The following CD302 variants were observed in gnomAD, a reference collection of about 807,000 sequenced individuals.
The protein encoded by CD302 is CD302 antigen.
In CD302, 23 loss-of-function variants were observed where a neutral mutation model predicts 26.5. The ratio of observed to expected loss-of-function variants is 0.87; its 90% confidence interval spans 0.62 to 1.23. CD302 has a LOEUF of 1.23. Among genes scored for constraint, CD302 ranks in the 50% most tolerant of loss-of-function variants. The pLI, the probability that CD302 is intolerant of heterozygous loss-of-function variation, is 0.00. For synonymous variants in CD302, 90 were observed against 99.4 expected (o/e 0.91, Z 0.56); for missense variants, 290 against 275.5 (o/e 1.05, Z -0.37).
chr2:159,792,427 TG>T, intron 1 of CD302, among the ~76,000 whole-genome samples: 1 of 21,162 alleles, frequency 4.7e-5, no homozygotes, highest in African/African-American at 7.3e-4. Context: ...CAACTCTGTG[TG>T]TGTGTGTGTG....
chr2:159,784,361 T>C (rs1708605865), intron 1 of CD302, among the ~76,000 whole-genome samples: 1 of 139,848 alleles, frequency 7.2e-6, no homozygotes, highest in Admixed American at 7.2e-5. Flanking sequence ...TTTTTTTTTT[T>C]TTTTTTTTTT....
chr2:159,776,151 C>T (rs1334505719), intron 5 of CD302, among the ~76,000 whole-genome samples: 1 of 151,802 alleles, frequency 6.6e-6, no homozygotes, highest in Non-Finnish European at 1.5e-5. Context: ...CTGCGCCCGG[C>T]CTGTGCCTGG....
intron 1 of CD302, among the ~76,000 whole-genome samples, chr2:159,797,256 C>G (rs1373184371): frequency 2.7e-5 from 4 of 150,910 alleles, no homozygotes; most frequent in Non-Finnish European, 4.4e-5. Context: ...TTATTTAAAT[C>G]TCTTGCACTT....
chr2:159,792,387 TAGTC>T (rs373720764), intron 1 of CD302, among the ~76,000 whole-genome samples: 217 of 151,712 alleles, frequency 1.4e-3, no homozygotes, highest in Middle Eastern at 6.8e-3. Context: ...GTTATTGTAT[TAGTC>T]AGGGTTCTCC....
At chr2:159,785,923 G>T (rs1211515740) in intron 1 of CD302, among the ~76,000 whole-genome samples, 1 of 152,152 alleles carries the variant, frequency 6.6e-6, no homozygotes, top group African/African-American at 2.4e-5. Context: ...TCTTGGTGGT[G>T]AGACCTTGGA....
At chr2:159,780,622 ATGAT>A (rs1250553421) in intron 3 of CD302, among the ~76,000 whole-genome samples, 1 of 152,150 alleles carries the variant, frequency 6.6e-6, no homozygotes, top group Non-Finnish European at 1.5e-5. Flanking sequence ...ACTTACCTTT[ATGAT>A]CATGCTATAT....
rs144299382 is a variant in CD302 at position 159,771,956 on chromosome 2, A to G, written c.594T>C (p.Asp198=). 11 of 1,613,954 alleles carry G rather than the reference A, an allele frequency of 6.8e-6. No homozygotes were observed. In the African/African-American group the frequency reaches 1.5e-4, roughly 22 times the overall value. Residue 198 remains aspartate, a synonymous_variant, in exon 6 of 6, where the codon GAT becomes GAC. Coordinates refer to ENST00000259053, the MANE Select transcript of CD302 (RefSeq NM_014880.5). ...IIWFLYKKHS[D]SRFTTVFSTA... ...TTGAAAAAACTGTGGTGAAACGAGA[A>G]TCAGAATGTTTTTTGTACAGGAACC...
rs554953765 is a variant in CD302 at position 159,777,972 on chromosome 2, A to C, written c.470-8T>G. On this transcript the variant is annotated splice_polypyrimidine_tract_variant and splice_region_variant and intron_variant, in intron 4 of 5. Coordinates refer to ENST00000259053, the MANE Select transcript of CD302 (RefSeq NM_014880.5). Reference sequence around the variant, plus strand: ...ATTTCCTTTTGTATGGGACTAAAATACAAAAGAAAATAAAAATTAGAATTT... The same window carrying C: ...ATTTCCTTTTGTATGGGACTAAAATCCAAAAGAAAATAAAAATTAGAATTT... 2 of 939,904 alleles carry C rather than the reference A, an allele frequency of 2.1e-6. No homozygotes were observed. The highest frequency in any genetic ancestry group is 3.2e-5 in the South Asian group (2 of 62,198). 58.2% of individuals were successfully genotyped at this position (939,904 alleles called of 1,614,324 possible).
chr2:159,794,609 C>T (rs1190061642), intron 1 of CD302, among the ~76,000 whole-genome samples: 3 of 151,566 alleles, frequency 2.0e-5, no homozygotes, highest in East Asian at 2.0e-4. Flanking sequence ...AGTGCAGTGG[C>T]GCGATCTCAG....
At chr2:159,795,351 T>C (rs1248210420) in intron 1 of CD302, among the ~76,000 whole-genome samples, 1 of 152,188 alleles carries the variant, frequency 6.6e-6, no homozygotes, top group Non-Finnish European at 1.5e-5. Flanking sequence ...AATCCACTTA[T>C]CCTACCTACT....
intron 1 of CD302, among the ~76,000 whole-genome samples, chr2:159,786,980 C>T (rs1560048698): frequency 6.6e-6 from 1 of 152,188 alleles, no homozygotes; most frequent in Non-Finnish European, 1.5e-5. Flanking sequence ...ACATTGTGTA[C>T]TCTTTTGTGT....
chr2:159,781,271 G>C (rs1708497767), intron 2 of CD302, among the ~76,000 whole-genome samples: 1 of 152,052 alleles, frequency 6.6e-6, no homozygotes. Context: ...TGTAGGGGCT[G>C]GGCGTGGTGG....
chr2:159,775,431 ATCTT>A (rs1708283610), intron 5 of CD302, among the ~76,000 whole-genome samples: 1 of 152,150 alleles, frequency 6.6e-6, no homozygotes, highest in East Asian at 1.9e-4. Flanking sequence ...ACTTATGTGT[ATCTT>A]TATTTTTTCC....
chr2:159,770,752 G>A lies in CD302; in HGVS notation c.*1099C>T, dbSNP rs1028364782. On this transcript the variant is annotated 3_prime_UTR_variant, in exon 6 of 6. Coordinates refer to ENST00000259053, the MANE Select transcript of CD302 (RefSeq NM_014880.5). ...CACAGTAACATGCTGTGTAGGTTTG[G>A]GACAAAATAGGCTCTACCATCTGGG... 4 of 151,988 alleles carry A rather than the reference G, an allele frequency of 2.6e-5. No homozygotes were observed. The highest frequency in any genetic ancestry group is 5.9e-5 in the Non-Finnish European group (4 of 67,976). The allele number at this position is 151,988 out of a possible 1,614,324, so 9.4% of individuals were successfully genotyped here.
intron 1 of CD302, among the ~76,000 whole-genome samples, chr2:159,794,963 A>G (rs1309329264): frequency 3.3e-5 from 5 of 150,846 alleles, no homozygotes; most frequent in Non-Finnish European, 7.4e-5. Context: ...GGTGGCTCAC[A>G]CCTGTAATCC....
At chr2:159,786,332 C>CTTT (rs56163054) in intron 1 of CD302, among the ~76,000 whole-genome samples, 1 of 112,678 alleles carries the variant, frequency 8.9e-6, no homozygotes, top group African/African-American at 3.1e-5. Context: ...TTGTCTTTTT[C>CTTT]TTTTTTTTTT....
At chr2:159,784,397 C>T (rs1162590525) in intron 1 of CD302, among the ~76,000 whole-genome samples, 2 of 120,172 alleles carry the variant, frequency 1.7e-5, no homozygotes, top group Non-Finnish European at 3.2e-5. Context: ...GTACTGTCGT[C>T]CTGGCTGGAG....
At chr2:159,786,143 T>A (rs1038710404) in intron 1 of CD302, among the ~76,000 whole-genome samples, 3 of 152,136 alleles carry the variant, frequency 2.0e-5, no homozygotes, top group Non-Finnish European at 2.9e-5. Context: ...GGACTAAGCC[T>A]TATTAATTTT....
chr2:159,781,042 T>C, intron 2 of CD302, 44 bp from the exon 3 acceptor site: 3 of 1,477,452 alleles, frequency 2.0e-6, no homozygotes, highest in Non-Finnish European at 2.8e-6. Flanking sequence ...TATTCCAGAA[T>C]CAGTGAAAAT....
Sources: gnomAD v4.1 joint callset for allele counts (sites outside exome capture counted in the v4.1 genomes callset) on GRCh38, gnomAD v4.1.1 for gene constraint, MANE v1.5 for transcripts, NCBI Gene and HGNC (gene_info 2026-07-23, HGNC 2026-07-21) for gene names.